The following CTCFL variants were observed in gnomAD, a reference collection of about 807,000 sequenced individuals.
CTCFL encodes transcriptional repressor CTCFL.
Under a neutral mutation model 67.4 loss-of-function variants are expected in CTCFL, and 36 were observed. The observed-to-expected ratio is 0.53, with a 90% CI of 0.41 to 0.71. The LOEUF is 0.71. CTCFL is among the 30% of genes least tolerant of loss of function. The probability of loss-of-function intolerance (pLI) is 0.00; values close to 1 mark genes in which losing one functional copy is unlikely to be tolerated. For synonymous variants in CTCFL, 324 were observed against 302.3 expected (o/e 1.07, Z -0.75); for missense variants, 786 against 835.2 (o/e 0.94, Z 0.73).
In CTCFL at chr20:57,503,648, AGGGACCCCTCTCAGGGGCCTGTG is replaced by A. The variant is rs139567029; in HGVS notation, c.1675-70_1675-48del. On this transcript the variant is annotated intron_variant, in intron 9 of 10. Transcript: ENST00000243914. ...ACACACAAGGCGAGTGAGATGGGGCAGGGACCCCTCTCAGGGGCCTGTGGGGACCCCACGCATGGAAAGAAAGA... is the reference window on the plus strand; with the variant it reads ...ACACACAAGGCGAGTGAGATGGGGCAGGGACCCCACGCATGGAAAGAAAGA... 5.4e-3 allele frequency: 8,579 copies of A among 1,600,148 alleles called. 404 individuals carry two copies. In the African/African-American group the frequency reaches 0.1, roughly 19 times the overall value.
At chr20:57,503,656 C>T (rs992023678) in intron 9 of CTCFL, 55 bp from the exon 10 acceptor site, 1 of 1,566,670 alleles carries the variant, frequency 6.4e-7, no homozygotes. Context: ...GCAGGGACCC[C>T]TCTCAGGGGC....
intron 3 of CTCFL, among the ~76,000 whole-genome samples, chr20:57,520,816 A>G (rs1253286179): frequency 6.6e-6 from 1 of 152,256 alleles, no homozygotes; most frequent in Non-Finnish European, 1.5e-5. Context: ...TCCTCATGCC[A>G]GATACCTGTG....
chr20:57,497,157 T>C, downstream of CTCFL: 1 of 742,208 alleles, frequency 1.3e-6, no homozygotes, highest in Non-Finnish European at 1.6e-6. Flanking sequence ...TGCTGACATA[T>C]AACAAATATA....
downstream of CTCFL, among the ~76,000 whole-genome samples, chr20:57,496,643 T>C (rs1483803095): frequency 2.0e-5 from 3 of 152,202 alleles, no homozygotes; most frequent in South Asian, 4.1e-4. Flanking sequence ...CACTTTACCG[T>C]CTGTCTCTAT....
In CTCFL at chr20:57,525,104, A is replaced by AGCCCACAGCCGGCCGCC. The variant is rs2069778112; in HGVS notation, c.-105_-89dup. 1.3e-5 allele frequency: 2 copies of AGCCCACAGCCGGCCGCC among 151,868 alleles called. No individual in the cohort carries two copies. Among genetic ancestry groups the AGCCCACAGCCGGCCGCC allele is most frequent in the African/African-American group, 4.9e-5 (2 of 41,226 alleles). 9.4% of individuals were successfully genotyped at this position (151,868 alleles called of 1,614,324 possible). The stretch of plus-strand genomic sequence containing the variant: ...CTCTGCCTCGTGCACCGCGTGCTGC[A>AGCCCACAGCCGGCCGCC]GCCCACAGCCGGCCGCCGCCGGGCT... On this transcript the variant is annotated 5_prime_UTR_variant, in exon 1 of 11. Coordinates refer to ENST00000243914, the MANE Select transcript of CTCFL (RefSeq NM_001386993.1).
chr20:57,513,341 T>G, intron 7 of CTCFL: 1 of 986,386 alleles, frequency 1.0e-6, no homozygotes, highest in Non-Finnish European at 1.2e-6. Flanking sequence ...CATCTAAGTC[T>G]AAAGCATGAT....
intron 8 of CTCFL, among the ~76,000 whole-genome samples, chr20:57,511,595 C>A (rs924004186): frequency 4.0e-5 from 6 of 150,790 alleles, no homozygotes; most frequent in African/African-American, 7.3e-5. Context: ...TAATCCCCCC[C>A]CTTTTTTTTT....
chr20:57,508,862 C>A, intron 8 of CTCFL, 74 bp from the exon 9 acceptor site: 1 of 1,331,538 alleles, frequency 7.5e-7, no homozygotes, highest in Non-Finnish European at 1.0e-6. Flanking sequence ...GTTTATCATA[C>A]AATACCTTTT....
chr20:57,499,853 G>A (rs1484472668), intron 10 of CTCFL: 4 of 529,980 alleles, frequency 7.5e-6, no homozygotes, highest in Non-Finnish European at 9.6e-6. Flanking sequence ...TGATGCGCCC[G>A]ATGGGGAGCG....
intron 9 of CTCFL, among the ~76,000 whole-genome samples, chr20:57,504,483 G>GTTGA (rs1362634921): frequency 3.1e-4 from 47 of 151,406 alleles, no homozygotes; most frequent in African/African-American, 1.0e-3. Context: ...GTTCCACCAT[G>GTTGA]CTGGCCAGGC....
Position 57,503,606 on chromosome 20 carries a change from C to T in CTCFL, c.1675-5G>A, listed in dbSNP as rs371160733. 319 of 1,613,776 alleles carry T rather than the reference C, an allele frequency of 2.0e-4. No homozygotes were observed. The highest frequency in any genetic ancestry group is 2.4e-4 in the Non-Finnish European group (286 of 1,179,914). On this transcript the variant is annotated splice_polypyrimidine_tract_variant and splice_region_variant and intron_variant, in intron 9 of 10. Coordinates refer to ENST00000243914, the MANE Select transcript of CTCFL (RefSeq NM_001386993.1). ...CGAATGTCTGTGCAGGTTAATCTGT[C>T]GGAGAATTGACACAGAACACACAAG... is the stretch of plus-strand genomic sequence containing the variant.
chr20:57,498,829 A>G lies in CTCFL; in HGVS notation c.1841-128T>C, dbSNP rs565310466. On this transcript the variant is annotated intron_variant, in intron 10 of 10. Transcript: ENST00000243914. ...ACGGCAGCAAGCATGTTAGAAAACA[A>G]TCTAATTGATAAGATGGTACTATTC... The G allele has an allele frequency of 6.2e-4, 481 of 782,110 alleles. 2 individuals are homozygous for G. The African/African-American group carries it at 7.5e-3, about 12-fold the overall frequency. 48.4% of individuals were successfully genotyped at this position (782,110 alleles called of 1,614,324 possible).
At chr20:57,509,090 C>G (rs1212889232) in intron 8 of CTCFL, among the ~76,000 whole-genome samples, 1 of 152,108 alleles carries the variant, frequency 6.6e-6, no homozygotes, top group Non-Finnish European at 1.5e-5. Flanking sequence ...GTCCTTTGTC[C>G]TCTCATTACT....
At chr20:57,524,658 A>G in intron 1 of CTCFL, 1 of 1,005,302 alleles carries the variant, frequency 9.9e-7, no homozygotes. Context: ...TTTCAGGTCC[A>G]AGCAGGCCCC....
intron 1 of CTCFL, 60 bp downstream of exon 1, chr20:57,524,968 C>G (rs1350459198): frequency 6.5e-6 from 1 of 154,868 alleles, no homozygotes. Flanking sequence ...CCGCCCACGC[C>G]CAGAACAGCC....
chr20:57,508,506 G>A, intron 9 of CTCFL, 100 bp downstream of exon 9: 1 of 1,142,058 alleles, frequency 8.8e-7, no homozygotes. Context: ...AGTCCTGGCA[G>A]GTTTCTATAA....
rs571289232 is a variant in CTCFL, at chr20:57,518,714, T to A, written c.1059+44A>T. On this transcript the variant is annotated intron_variant, in intron 5 of 10. Transcript: ENST00000243914. ...ACTTGGAGTAACTTGTACAGCAGCC[T>A]CTACTAAGATGCCATGAAGCTTCAA... is the stretch of plus-strand genomic sequence containing the variant. The A allele has an allele frequency of 1.7e-4, 270 of 1,614,016 alleles. 2 individuals carry two copies. The South Asian group carries it at 2.8e-3, about 17-fold the overall frequency.
intron 8 of CTCFL, among the ~76,000 whole-genome samples, chr20:57,509,520 C>T (rs2146338013): frequency 6.6e-6 from 1 of 152,130 alleles, no homozygotes; most frequent in South Asian, 2.1e-4. Flanking sequence ...GCCTTAGCCT[C>T]CCAAAGTGCT....
intron 10 of CTCFL, chr20:57,500,057 G>A (rs972283577): frequency 6.6e-5 from 65 of 983,590 alleles, no homozygotes; most frequent in Non-Finnish European, 7.6e-5. Context: ...CTTGTCTGAG[G>A]ATATTTTTGT....
Sources: gnomAD v4.1 joint callset for allele counts (sites outside exome capture counted in the v4.1 genomes callset) on GRCh38, gnomAD v4.1.1 for gene constraint, MANE v1.5 for transcripts, NCBI Gene and HGNC (gene_info 2026-07-23, HGNC 2026-07-21) for gene names.